DPP10: variants seen among roughly 807,000 people sequenced by gnomAD.
DPP10 encodes dipeptidyl peptidase like 10.
In DPP10, 33 loss-of-function variants were observed where a neutral mutation model predicts 120.9. The observed-to-expected ratio is 0.27, with a 90% CI of 0.21 to 0.37. The LOEUF (loss-of-function observed/expected upper bound fraction) is 0.37. Among genes scored for constraint, DPP10 ranks in the 10% least tolerant of loss-of-function variants. The pLI, the probability that DPP10 is intolerant of heterozygous loss-of-function variation, is 1.00. For synonymous variants in DPP10, 337 were observed against 326.1 expected, an observed-to-expected ratio of 1.03 and a Z score of -0.36; for missense variants, 816 against 942.8, an observed-to-expected ratio of 0.87 and a Z score of 1.76.
At chr2:115,198,880 A>C (rs551440693) in intron 1 of DPP10, among the ~76,000 whole-genome samples, 2 of 152,270 alleles carry the variant, frequency 1.3e-5, no homozygotes, top group East Asian at 3.9e-4. Context: ...CAAGAAGTAG[A>C]TCTTAATATG....
At chr2:115,204,998 G>C (rs1379959536) in intron 1 of DPP10, among the ~76,000 whole-genome samples, 1 of 152,008 alleles carries the variant, frequency 6.6e-6, no homozygotes, top group Non-Finnish European at 1.5e-5. Context: ...TTAGATCTTT[G>C]TTGGCTGCAT....
intron 1 of DPP10, among the ~76,000 whole-genome samples, chr2:114,641,254 T>G (rs1027300159): frequency 5.9e-5 from 9 of 152,054 alleles, no homozygotes; most frequent in African/African-American, 2.4e-5. Context: ...AGTTACTATG[T>G]TATCATCTCA....
chr2:115,520,934 G>A (rs1356028927), intron 4 of DPP10, among the ~76,000 whole-genome samples: 1 of 152,116 alleles, frequency 6.6e-6, no homozygotes, highest in Non-Finnish European at 1.5e-5. Flanking sequence ...GATGTAAATT[G>A]CAGTTCCAAA....
chr2:114,644,304 C>A (rs1695947074), intron 1 of DPP10, among the ~76,000 whole-genome samples: 1 of 150,502 alleles, frequency 6.6e-6, no homozygotes, highest in Admixed American at 6.6e-5. Context: ...CATACATAAC[C>A]ATGTAGTCCT....
chr2:115,379,918 T>G (rs1480056826), intron 3 of DPP10, among the ~76,000 whole-genome samples: 1 of 152,124 alleles, frequency 6.6e-6, no homozygotes, highest in Admixed American at 6.5e-5. Flanking sequence ...GTCTGAGAGA[T>G]AGTTTGTTAT....
At chr2:115,467,692 G>A (rs2074417428) in intron 3 of DPP10, among the ~76,000 whole-genome samples, 1 of 152,134 alleles carries the variant, frequency 6.6e-6, no homozygotes, top group South Asian at 2.1e-4. Context: ...GAACTTAAGA[G>A]TACAAGGCAT....
At chr2:115,186,875 AG>A (rs1363718772) in intron 1 of DPP10, among the ~76,000 whole-genome samples, 2 of 152,086 alleles carry the variant, frequency 1.3e-5, no homozygotes, top group South Asian at 2.1e-4. Context: ...TTCTGCCAGC[AG>A]GACACAGAAA....
intron 7 of DPP10, among the ~76,000 whole-genome samples, chr2:115,705,659 C>T (rs1342913470): frequency 6.6e-6 from 1 of 151,952 alleles, no homozygotes; most frequent in Non-Finnish European, 1.5e-5. Context: ...AAGTGTTTGA[C>T]ATGATGAGTG....
chr2:115,680,215 A>G (rs2090554157), intron 5 of DPP10, among the ~76,000 whole-genome samples: 1 of 151,982 alleles, frequency 6.6e-6, no homozygotes, highest in African/African-American at 2.4e-5. Context: ...TTTAAATAAA[A>G]TTTTTATTCA....
intron 4 of DPP10, among the ~76,000 whole-genome samples, chr2:115,525,104 G>A (rs1442534691): frequency 1.2e-4 from 18 of 152,132 alleles, no homozygotes; most frequent in Non-Finnish European, 2.2e-4. Flanking sequence ...CAAATACCAT[G>A]CAAAGTATCT....
At chr2:114,577,035 A>C (rs544575678) in intron 1 of DPP10, among the ~76,000 whole-genome samples, 2 of 152,186 alleles carry the variant, frequency 1.3e-5, no homozygotes, top group Non-Finnish European at 2.9e-5. Flanking sequence ...ATGGAGAAAA[A>C]TATATGGTAT....
At chr2:115,343,469 T>C (rs2106257818) in intron 2 of DPP10, among the ~76,000 whole-genome samples, 1 of 152,204 alleles carries the variant, frequency 6.6e-6, no homozygotes, top group East Asian at 1.9e-4. Context: ...CAACATAAGT[T>C]TGGAAAATAA....
Position 115,478,496 on chromosome 2 carries a change from A to G in DPP10, c.272-21014A>G, listed in dbSNP as rs567825276. On this transcript the variant is annotated intron_variant, in intron 3 of 25. Coordinates refer to ENST00000410059, the MANE Select transcript of DPP10 (RefSeq NM_020868.6). ...AAAAGCCTCAAGATTTGGGTTTGGC[A>G]GTAATATTTCTTGGAAATGACATCA... 2.6e-5 allele frequency among the ~76,000 whole-genome samples: 4 copies of G among 152,338 alleles called. No individual in the cohort carries two copies. The East Asian group carries it at 7.7e-4, about 29-fold the overall frequency.
At chr2:114,443,074 T>C (rs1261509900) in intron 1 of DPP10, among the ~76,000 whole-genome samples, 1 of 151,966 alleles carries the variant, frequency 6.6e-6, no homozygotes, top group Non-Finnish European at 1.5e-5. Flanking sequence ...ACTGAGAATC[T>C]ATCAGAGGTA....
At chr2:114,779,519 T>C (rs575617057) in intron 1 of DPP10, among the ~76,000 whole-genome samples, 2 of 152,254 alleles carry the variant, frequency 1.3e-5, no homozygotes, top group East Asian at 3.9e-4. Context: ...AATGTAATGA[T>C]TGACTTCTTA....
intron 1 of DPP10, among the ~76,000 whole-genome samples, chr2:114,544,546 CTT>C (rs756570999): frequency 4.7e-4 from 72 of 152,230 alleles, no homozygotes; most frequent in Admixed American, 1.2e-3. Flanking sequence ...AATGGCTTCT[CTT>C]TGTCAGCATT....
intron 1 of DPP10, among the ~76,000 whole-genome samples, chr2:115,203,041 T>A (rs1442785588): frequency 6.6e-6 from 1 of 152,188 alleles, no homozygotes; most frequent in Non-Finnish European, 1.5e-5. Flanking sequence ...AATTTCAATA[T>A]ATGGCCAACT....
intron 1 of DPP10, among the ~76,000 whole-genome samples, chr2:115,108,431 AATCT>A: frequency 6.6e-6 from 1 of 152,308 alleles, no homozygotes; most frequent in African/African-American, 2.4e-5. Context: ...CTGAATGTAA[AATCT>A]ATCTTTCCAA....
rs193257529 is a variant in DPP10 at position 114,675,753 on chromosome 2, A to G, written c.60+232915A>G. ...ACCAGTATTTTTTAATGTTCTTTTTAAAAGGAAAGTATAAATATGTATTTA... is the reference window on the plus strand; with the variant it reads ...ACCAGTATTTTTTAATGTTCTTTTTGAAAGGAAAGTATAAATATGTATTTA... On this transcript the variant is annotated intron_variant, in intron 1 of 25. Transcript: ENST00000410059. Among the ~76,000 whole-genome samples the G allele has an allele frequency of 3.0e-3, 452 of 152,196 alleles. 2 individuals carry two copies. The highest frequency in any genetic ancestry group is 0.014 in the Middle Eastern group (4 of 294).
Sources: gnomAD v4.1 joint callset for allele counts (sites outside exome capture counted in the v4.1 genomes callset) on GRCh38, gnomAD v4.1.1 for gene constraint, MANE v1.5 for transcripts, NCBI Gene and HGNC (gene_info 2026-07-23, HGNC 2026-07-21) for gene names.